Variants in FHAD1 observed in about 807,000 individuals in gnomAD.
FHAD1 encodes the protein forkhead associated phosphopeptide binding domain 1, also known as forkhead-associated domain-containing protein 1.
FHAD1 carries 146 observed loss-of-function variants against 191.3 expected under a neutral mutation model. That is an observed-to-expected ratio of 0.76 (90% CI 0.67 to 0.88). FHAD1 has a LOEUF of 0.88. Among genes scored for constraint, FHAD1 ranks in the 40% least tolerant of loss-of-function variants. The probability of loss-of-function intolerance (pLI) is 0.00; values close to 1 mark genes in which losing one functional copy is unlikely to be tolerated. For synonymous variants in FHAD1, 616 were observed against 672.3 expected, an observed-to-expected ratio of 0.92 and a Z score of 1.29; for missense variants, 1,635 against 1,785.8, an observed-to-expected ratio of 0.92 and a Z score of 1.52.
chr1:15,378,236 C>T (rs1700104743), intron 28 of FHAD1, among the ~76,000 whole-genome samples: 1 of 152,060 alleles, frequency 6.6e-6, no homozygotes, highest in Non-Finnish European at 1.5e-5. Flanking sequence ...AGTGAACCAA[C>T]ATCGCACCAC....
intron 3 of FHAD1, among the ~76,000 whole-genome samples, chr1:15,286,397 G>C (rs1362137888): frequency 6.6e-6 from 1 of 152,322 alleles, no homozygotes; most frequent in African/African-American, 2.4e-5. Flanking sequence ...AAGCTACTTA[G>C]GAGGCTGAGG....
chr1:15,387,654 G>A (rs1431773469), intron 31 of FHAD1, among the ~76,000 whole-genome samples: 1 of 152,136 alleles, frequency 6.6e-6, no homozygotes, highest in African/African-American at 2.4e-5. Context: ...GGAGGGTGAT[G>A]TAGGAGGATG....
At chr1:15,272,253 C>T in intron 2 of FHAD1, 70 bp from the exon 3 acceptor site, 1 of 1,407,178 alleles carries the variant, frequency 7.1e-7, no homozygotes, top group Non-Finnish European at 9.8e-7. Flanking sequence ...GTAAGGCACT[C>T]AGCTCAAAAC....
At position 15,327,125 on chromosome 1, in the gene FHAD1, C is replaced by T. The variant is rs1030525966; in HGVS notation, c.1540C>T (p.Pro514Ser). The T allele has an allele frequency of 1.7e-5, 27 of 1,551,158 alleles. No homozygotes were observed. Among genetic ancestry groups the T allele is most frequent in the Non-Finnish European group, 2.3e-5 (26 of 1,146,748 alleles). ...YGRAKPFRDKPVTDQQLIEKI... is the reference protein window; with the variant it reads ...YGRAKPFRDKSVTDQQLIEKI... ...ACGGGCGAAGCCGTTCCGGGACAAG[C>T]CCGTCACCGACCAACAGGTTAGTCT... The change falls in exon 12 of 34, where the codon CCC (proline) becomes TCC (serine). Residue 514 changes from proline to serine, a missense_variant. Physicochemically the swap from Pro to Ser is moderately conservative, Grantham distance 74. Transcript: ENST00000688493. The surrounding 1 kb of genome is among the most constrained non-coding windows in gnomAD (Gnocchi z 5.1).
At chr1:15,345,258 C>T (rs1688415478) in intron 17 of FHAD1, 68 bp downstream of exon 17, 1 of 1,435,948 alleles carries the variant, frequency 7.0e-7, no homozygotes, top group Non-Finnish European at 9.6e-7. Context: ...ATCTGGGGCT[C>T]TGGTCTGGGC....
Position 15,289,306 on chromosome 1 carries a change from A to G in FHAD1, c.301-93A>G. 5 of 1,471,054 alleles carry G rather than the reference A, an allele frequency of 3.4e-6. No individual in the cohort carries two copies. Among genetic ancestry groups the G allele is most frequent in the Non-Finnish European group, 4.5e-6 (5 of 1,102,528 alleles). The allele number at this position is 1,471,054 out of a possible 1,614,324, so 91.1% of individuals were successfully genotyped here. A position where few individuals can be genotyped will look rare whatever the true frequency, so the allele number is the denominator to read the frequency against. On this transcript the variant is annotated intron_variant, in intron 3 of 33. Coordinates refer to ENST00000688493, the MANE Select transcript of FHAD1 (RefSeq NM_001391957.1). The surrounding 1 kb of genome is among the most constrained non-coding windows in gnomAD (Gnocchi z 4.2). ...CCCGACCGGAAGTGACTCATAAACC[A>G]AGACCTTGGGCAGCAATGCTGTGGC...
chr1:15,268,879 G>T (rs1194746559), intron 2 of FHAD1, among the ~76,000 whole-genome samples: 2 of 151,158 alleles, frequency 1.3e-5, no homozygotes, highest in Non-Finnish European at 2.9e-5. Flanking sequence ...TGAGTTCATT[G>T]TAGATTCTGG....
intron 2 of FHAD1, among the ~76,000 whole-genome samples, chr1:15,266,638 A>T (rs747350884): frequency 2.6e-5 from 4 of 152,160 alleles, no homozygotes; most frequent in African/African-American, 4.8e-5. Flanking sequence ...TCTTCACGTT[A>T]TAAAGTTCTG....
chr1:15,249,775 C>G (rs74519426), intron 1 of FHAD1, among the ~76,000 whole-genome samples: 1 of 152,092 alleles, frequency 6.6e-6, no homozygotes, highest in Non-Finnish European at 1.5e-5. Flanking sequence ...CTCCCTCCCC[C>G]CACTCAGTCA....
intron 33 of FHAD1, among the ~76,000 whole-genome samples, chr1:15,396,680 T>C (rs1008239259): frequency 4.6e-5 from 7 of 151,840 alleles, no homozygotes; most frequent in Non-Finnish European, 7.4e-5. Flanking sequence ...TGTGGCGGCA[T>C]GTGCCTGTAG....
chr1:15,374,733 C>A, intron 27 of FHAD1, 102 bp downstream of exon 27: 1 of 1,441,322 alleles, frequency 6.9e-7, no homozygotes, highest in Non-Finnish European at 9.4e-7. Context: ...CTGCATCATC[C>A]CAGAACTTGG....
rs79548681 is a variant in FHAD1 at position 15,381,592 on chromosome 1, C to A, written c.4022+141C>A. 16,828 of 661,938 alleles carry A rather than the reference C, an allele frequency of 0.025. 1,893 individuals are homozygous for A. Among genetic ancestry groups the A allele is most frequent in the African/African-American group, 0.25 (13,827 of 54,898 alleles). The allele number at this position is 661,938 out of a possible 1,614,324, so 41.0% of individuals were successfully genotyped here. A position where few individuals can be genotyped will look rare whatever the true frequency, so the allele number is the denominator to read the frequency against. ...GAATACCTGCAATGTCAGAAGGGGA[C>A]CAGGGAGGGCACTGACTAGGCCTGG... On this transcript the variant is annotated intron_variant, in intron 30 of 33. Transcript: ENST00000688493. This position sits in a 1 kb window ranked among gnomAD's most constrained non-coding sequence, Gnocchi z 4.6.
At position 15,329,719 on chromosome 1, in the gene FHAD1, A is replaced by C; in HGVS notation, c.1906+178A>C. On this transcript the variant is annotated intron_variant, in intron 14 of 33. Coordinates refer to ENST00000688493, the MANE Select transcript of FHAD1 (RefSeq NM_001391957.1). This position sits in a 1 kb window ranked among gnomAD's most constrained non-coding sequence, Gnocchi z 5.0. ...AATTTTCCATTAAAAAAAAAAACAC[A>C]CACATACAAGTGAGACACGATAACT... 2 of 557,560 alleles carry C rather than the reference A, an allele frequency of 3.6e-6. No homozygotes were observed. The highest frequency in any genetic ancestry group is 3.1e-5 in the Admixed American group (1 of 32,090). 34.5% of individuals were successfully genotyped at this position (557,560 alleles called of 1,614,324 possible). A position where few individuals can be genotyped will look rare whatever the true frequency, so the allele number is the denominator to read the frequency against.
intron 2 of FHAD1, among the ~76,000 whole-genome samples, chr1:15,264,061 G>T (rs958565996): frequency 1.3e-5 from 2 of 152,200 alleles, no homozygotes; most frequent in Non-Finnish European, 2.9e-5. Flanking sequence ...AAACCAGGAA[G>T]TATGACACTT....
At chr1:15,332,810 C>A (rs1682271459) in intron 14 of FHAD1, among the ~76,000 whole-genome samples, 1 of 152,210 alleles carries the variant, frequency 6.6e-6, no homozygotes, top group Admixed American at 6.5e-5. Flanking sequence ...ATTCCTCAGA[C>A]CAGCCATTTT....
At chr1:15,367,650 G>A in intron 25 of FHAD1, 28 bp downstream of exon 25, 3 of 1,411,236 alleles carry the variant, frequency 2.1e-6, no homozygotes, top group Non-Finnish European at 1.9e-6. Context: ...CGGGTTGGGG[G>A]GATGGTTTGC....
chr1:15,366,284 CAAAAAAAAAAA>C (rs35252287), intron 24 of FHAD1, among the ~76,000 whole-genome samples: 11 of 44,446 alleles, frequency 2.5e-4, no homozygotes, highest in African/African-American at 6.6e-4. Context: ...GACTCTGTCT[CAAAAAAAAAAA>C]AAAAAAAAAA....
At position 15,248,345 on chromosome 1, in the gene FHAD1, C is replaced by T. The variant is rs577119444; in HGVS notation, c.-15+950C>T. On this transcript the variant is annotated intron_variant, in intron 1 of 33. Coordinates refer to ENST00000688493, the MANE Select transcript of FHAD1 (RefSeq NM_001391957.1). ...GATGCTAGCAGAAGACCAGAGACTC[C>T]AGGACCAGAGACAAAGGATGTTATT... Among the ~76,000 whole-genome samples the T allele has an allele frequency of 1.4e-4, 22 of 152,214 alleles. No homozygotes were observed. In the South Asian group the frequency reaches 3.5e-3, roughly 24 times the overall value.
chr1:15,390,680 G>A (rs535404480), intron 32 of FHAD1, among the ~76,000 whole-genome samples: 25 of 152,260 alleles, frequency 1.6e-4, no homozygotes, highest in Non-Finnish European at 3.2e-4. Context: ...CACATCTTGG[G>A]GACCCCAGGG....
Sources: allele counts gnomAD v4.1 joint callset (sites outside exome capture counted in the v4.1 genomes callset), GRCh38; gene constraint gnomAD v4.1.1; non-coding constraint Gnocchi (gnomAD v3.1); transcripts MANE v1.5; gene names NCBI Gene and HGNC (gene_info 2026-07-23, HGNC 2026-07-21).